DOCK1: variants seen among roughly 807,000 people sequenced by gnomAD.
DOCK1 encodes dedicator of cytokinesis protein 1.
In DOCK1, 138 loss-of-function variants were observed where a neutral mutation model predicts 262.7. That is an observed-to-expected ratio of 0.53 (90% CI 0.46 to 0.61). DOCK1 has a LOEUF of 0.61. Among genes scored for constraint, DOCK1 ranks in the 20% least tolerant of loss-of-function variants. DOCK1 has a pLI of 0.00. For synonymous variants in DOCK1, 866 were observed against 867.4 expected, an observed-to-expected ratio of 1.00 and a Z score of 0.03; for missense variants, 1,908 against 2,370.7, an observed-to-expected ratio of 0.80 and a Z score of 4.05.
chr10:127,249,001 C>A (rs1007806161), intron 28 of DOCK1, among the ~76,000 whole-genome samples: 1 of 152,086 alleles, frequency 6.6e-6, no homozygotes, highest in Non-Finnish European at 1.5e-5. Context: ...AGTTTCATCC[C>A]GAAACCTGCC....
At chr10:127,134,922 G>A (rs1177269862) in intron 27 of DOCK1, among the ~76,000 whole-genome samples, 8 of 152,242 alleles carry the variant, frequency 5.3e-5, no homozygotes, top group African/African-American at 1.4e-4. Context: ...TTAGGCTAGT[G>A]TCAGCAGGAG....
intron 23 of DOCK1, among the ~76,000 whole-genome samples, chr10:127,089,117 C>G (rs1451292462): frequency 6.6e-6 from 1 of 152,220 alleles, no homozygotes; most frequent in African/African-American, 2.4e-5. Context: ...GCTCTGCCAT[C>G]CTTTTCCCTG....
At chr10:127,096,299 G>A (rs998710979) in intron 23 of DOCK1, among the ~76,000 whole-genome samples, 2 of 152,062 alleles carry the variant, frequency 1.3e-5, no homozygotes, top group Admixed American at 6.5e-5. Flanking sequence ...AGAGTGGGTC[G>A]AGGGGCACCA....
At chr10:126,916,987 A>T (rs992106504) in intron 1 of DOCK1, among the ~76,000 whole-genome samples, 4 of 141,446 alleles carry the variant, frequency 2.8e-5, no homozygotes, top group African/African-American at 1.0e-4. Flanking sequence ...GTGCGAGGCC[A>T]GCGGTGTTTC....
intron 27 of DOCK1, among the ~76,000 whole-genome samples, chr10:127,223,833 T>C (rs1001509878): frequency 2.0e-5 from 3 of 152,168 alleles, no homozygotes; most frequent in Admixed American, 6.5e-5. Flanking sequence ...TGTCTCCTTG[T>C]CTATAGAGGG....
At chr10:127,362,848 C>CAT (rs2064579119) in intron 33 of DOCK1, among the ~76,000 whole-genome samples, 1 of 10,258 alleles carries the variant, frequency 9.7e-5, no homozygotes, top group African/African-American at 3.4e-4. Context: ...CACACACACA[C>CAT]ACACATGTAC....
chr10:127,143,336 G>C (rs929185306), intron 27 of DOCK1, among the ~76,000 whole-genome samples: 1 of 152,214 alleles, frequency 6.6e-6, no homozygotes, highest in African/African-American at 2.4e-5. Context: ...CAGCAGGTCA[G>C]AGGCCTCTGC....
chr10:127,282,207 C>T (rs1564962405), intron 29 of DOCK1, among the ~76,000 whole-genome samples: 1 of 151,642 alleles, frequency 6.6e-6, no homozygotes, highest in Non-Finnish European at 1.5e-5. Flanking sequence ...CTCTTGTGTT[C>T]TCTCTCTCTC....
chr10:127,098,222 G>C (rs1402109655), intron 23 of DOCK1, among the ~76,000 whole-genome samples: 1 of 152,104 alleles, frequency 6.6e-6, no homozygotes, highest in Admixed American at 6.5e-5. Flanking sequence ...AATAACAAAA[G>C]GCAAACAAAA....
At chr10:127,356,667 G>C (rs1028614530) in intron 32 of DOCK1, among the ~76,000 whole-genome samples, 3 of 152,028 alleles carry the variant, frequency 2.0e-5, no homozygotes, top group African/African-American at 7.2e-5. Flanking sequence ...ATGGAGGGGG[G>C]CTGTTCTCTG....
At chr10:127,331,002 A>G (rs532109920) in intron 29 of DOCK1, among the ~76,000 whole-genome samples, 1 of 152,288 alleles carries the variant, frequency 6.6e-6, no homozygotes, top group Admixed American at 6.5e-5. Context: ...TGCAGTTGGT[A>G]GCCTCTCAGC....
At position 127,280,713 on chromosome 10, in the gene DOCK1, T is replaced by C. The variant is rs144134155; in HGVS notation, c.3044+23284T>C. 3.2e-3 allele frequency among the ~76,000 whole-genome samples: 492 copies of C among 152,352 alleles called. 1 individual carries two copies. Among genetic ancestry groups the C allele is most frequent in the African/African-American group, 0.01 (425 of 41,590 alleles). On this transcript the variant is annotated intron_variant, in intron 29 of 51. Coordinates refer to ENST00000623213, the MANE Select transcript of DOCK1 (RefSeq NM_001290223.2). ...AAGGGCTTACTATAGAAATGCAAAA[T>C]GCCACCATTCTTCACTGTGTTCTGA...
At chr10:127,242,567 A>G (rs12358992) in intron 27 of DOCK1, among the ~76,000 whole-genome samples, 15,855 of 152,220 alleles carry the variant, frequency 0.1, 1,107 homozygotes, top group Non-Finnish European at 0.16. Context: ...TCTTCATAAT[A>G]TTGCTTTACA....
chr10:127,418,586 G>A (rs771907534), intron 45 of DOCK1, 45 bp downstream of exon 45: 2 of 1,562,794 alleles, frequency 1.3e-6, no homozygotes, highest in East Asian at 4.5e-5. Flanking sequence ...TCCTGCCCGG[G>A]GACAGACTGA....
At chr10:127,043,305 T>TCG (rs2135646531) in intron 21 of DOCK1, 141 bp downstream of exon 21, 1 of 690,334 alleles carries the variant, frequency 1.4e-6, no homozygotes, top group East Asian at 2.8e-5. Context: ...ATTTTTAGTA[T>TCG]TGTTTCCCTC....
rs371759900 is a variant in DOCK1 at position 127,088,262 on chromosome 10, G to A, written c.2446-17969G>A. On this transcript the variant is annotated intron_variant, in intron 23 of 51. Coordinates refer to ENST00000623213, the MANE Select transcript of DOCK1 (RefSeq NM_001290223.2). ...GCTTATTATTGTACTGTTTACCGTC[G>A]TCTTCTGTGACATTTTCTCTTGCCT... is the stretch of plus-strand genomic sequence containing the variant. 7.2e-5 allele frequency among the ~76,000 whole-genome samples: 11 copies of A among 152,224 alleles called. No homozygotes were observed. In the East Asian group the frequency reaches 9.6e-4, roughly 13 times the overall value.
chr10:127,263,256 G>A (rs1037601524), intron 29 of DOCK1, among the ~76,000 whole-genome samples: 6 of 110,510 alleles, frequency 5.4e-5, no homozygotes, highest in African/African-American at 1.1e-4. Context: ...GAAAAATCAC[G>A]TCTCCCTAGC....
At chr10:127,353,747 G>A (rs1175466417) in intron 31 of DOCK1, among the ~76,000 whole-genome samples, 2 of 152,312 alleles carry the variant, frequency 1.3e-5, no homozygotes, top group East Asian at 3.9e-4. Context: ...GATCACTCTT[G>A]GCTGTAGCCC....
At chr10:127,025,792 G>A (rs1591715868) in intron 15 of DOCK1, among the ~76,000 whole-genome samples, 2 of 152,174 alleles carry the variant, frequency 1.3e-5, no homozygotes, top group Admixed American at 1.3e-4. Flanking sequence ...GCCGGATGTG[G>A]TGGCTCACAC....
Sources: allele counts gnomAD v4.1 joint callset (sites outside exome capture counted in the v4.1 genomes callset), GRCh38; gene constraint gnomAD v4.1.1; transcripts MANE v1.5; gene names NCBI Gene and HGNC (gene_info 2026-07-23, HGNC 2026-07-21).